Variants in MCTP1 observed in about 807,000 individuals in gnomAD.
The protein encoded by MCTP1 is multiple C2 and transmembrane domain-containing protein 1.
In MCTP1, 69 loss-of-function variants were observed where a neutral mutation model predicts 120.6. That is an observed-to-expected ratio of 0.57 (90% confidence interval 0.47 to 0.70). The LOEUF is 0.70. Among genes scored for constraint, MCTP1 ranks in the 30% least tolerant of loss-of-function variants. The pLI is 0.00. For missense variants in MCTP1, 1,203 were observed against 1,248.8 expected (o/e 0.96, Z 0.55); for synonymous variants, 529 against 493.1 (o/e 1.07, Z -0.96).
intron 1 of MCTP1, among the ~76,000 whole-genome samples, chr5:95,279,360 T>C (rs902964230): frequency 2.0e-5 from 3 of 152,238 alleles, no homozygotes; most frequent in Non-Finnish European, 2.9e-5. Flanking sequence ...ACATACTTGC[T>C]AAAAATAATG....
At chr5:94,929,150 C>T (rs1813907686) in intron 6 of MCTP1, among the ~76,000 whole-genome samples, 1 of 152,116 alleles carries the variant, frequency 6.6e-6, no homozygotes, top group East Asian at 1.9e-4. Context: ...ACAACCGAGT[C>T]GATTTAGCCT....
intron 1 of MCTP1, among the ~76,000 whole-genome samples, chr5:95,171,007 G>A (rs530733032): frequency 4.6e-5 from 7 of 152,166 alleles, no homozygotes; most frequent in Non-Finnish European, 8.8e-5. Flanking sequence ...TCCTAGTCTC[G>A]ATGGTCTTTA....
chr5:94,997,850 G>A (rs1832919708), intron 2 of MCTP1, among the ~76,000 whole-genome samples: 1 of 151,988 alleles, frequency 6.6e-6, no homozygotes, highest in South Asian at 2.1e-4. Context: ...TGTGTCTCAT[G>A]CTTCTTAAAA....
intron 4 of MCTP1, among the ~76,000 whole-genome samples, chr5:94,941,226 A>T (rs1426889929): frequency 6.6e-6 from 1 of 151,798 alleles, no homozygotes; most frequent in Non-Finnish European, 1.5e-5. Flanking sequence ...ACAGAAGAAC[A>T]GTACAGTCTA....
chr5:95,111,178 G>A (rs1387287685), intron 1 of MCTP1, among the ~76,000 whole-genome samples: 2 of 152,090 alleles, frequency 1.3e-5, no homozygotes, highest in East Asian at 3.8e-4. Flanking sequence ...AATCTCCCAT[G>A]ACTAATAAAT....
At position 94,888,903 on chromosome 5, in the gene MCTP1, C is replaced by T. The variant is rs1186399479; in HGVS notation, c.1909G>A (p.Gly637Arg). 3 of 1,613,524 alleles carry T rather than the reference C, an allele frequency of 1.9e-6. No individual in the cohort carries two copies. The highest frequency in any genetic ancestry group is 2.2e-5 in the South Asian group (2 of 91,080). ...FLQVKVIRAE[G>R]LMAADVTGKS... ...CCAGTGACGTCGGCAGCCATTAACC[C>T]TTCCGCTCTGATGACTTTCACCTGG... is the stretch of plus-strand genomic sequence containing the variant. The change falls in exon 12 of 23, where the codon GGG (glycine) becomes AGG (arginine). Residue 637 changes from glycine to arginine, a missense_variant. Gly to Arg is a moderately radical substitution (Grantham distance 125). Transcript: ENST00000515393.
chr5:94,932,995 C>A (rs1187501637), intron 5 of MCTP1, among the ~76,000 whole-genome samples: 1 of 151,884 alleles, frequency 6.6e-6, no homozygotes, highest in Non-Finnish European at 1.5e-5. Context: ...TTAACCTAAA[C>A]CACAAGAATG....
intron 1 of MCTP1, among the ~76,000 whole-genome samples, chr5:95,226,485 G>A (rs573078528): frequency 2.0e-5 from 3 of 152,108 alleles, no homozygotes; most frequent in Admixed American, 6.6e-5. Flanking sequence ...TTTCATTTTC[G>A]GAGTAAATCT....
intron 1 of MCTP1, among the ~76,000 whole-genome samples, chr5:95,193,602 G>A (rs1750058165): frequency 6.6e-6 from 1 of 152,118 alleles, no homozygotes; most frequent in South Asian, 2.1e-4. Flanking sequence ...GGCAACATTT[G>A]TATGGAGCAC....
At chr5:95,109,840 A>T (rs1209595945) in intron 1 of MCTP1, among the ~76,000 whole-genome samples, 1 of 152,232 alleles carries the variant, frequency 6.6e-6, no homozygotes. Context: ...AAGCAAAACA[A>T]GTCATAAGTG....
At chr5:94,735,147 TA>T (rs1763937204) in intron 19 of MCTP1, among the ~76,000 whole-genome samples, 1 of 152,178 alleles carries the variant, frequency 6.6e-6, no homozygotes, top group Admixed American at 6.5e-5. Flanking sequence ...AAAGAGATTG[TA>T]CAGTTTCCAC....
At chr5:95,032,846 T>C (rs1335136301) in intron 1 of MCTP1, among the ~76,000 whole-genome samples, 1 of 151,960 alleles carries the variant, frequency 6.6e-6, no homozygotes, top group East Asian at 1.9e-4. Context: ...GCAGCTAGAT[T>C]AACCAAGAAA....
Position 94,785,168 on chromosome 5 carries a change from G to A in MCTP1, c.2557-6005C>T, listed in dbSNP as rs867836635. Among the ~76,000 whole-genome samples, 7 of 152,070 alleles carry A rather than the reference G, an allele frequency of 4.6e-5. No individual in the cohort carries two copies. The East Asian group carries it at 5.8e-4, about 13-fold the overall frequency. ...GAAAAACTCTTCCATTAAGAAAGGCGAAACAATAACAAATTCTATAATCAG... is the reference window on the plus strand; with the variant it reads ...GAAAAACTCTTCCATTAAGAAAGGCAAAACAATAACAAATTCTATAATCAG... On this transcript the variant is annotated intron_variant, in intron 18 of 22. Coordinates refer to ENST00000515393, the MANE Select transcript of MCTP1 (RefSeq NM_024717.7).
intron 1 of MCTP1, among the ~76,000 whole-genome samples, chr5:95,252,458 A>G (rs1757469584): frequency 6.6e-6 from 1 of 152,144 alleles, no homozygotes; most frequent in Admixed American, 6.6e-5. Flanking sequence ...TTTTAAAAAG[A>G]TGTATATAGA....
intron 1 of MCTP1, among the ~76,000 whole-genome samples, chr5:95,215,634 T>A (rs535999751): frequency 6.6e-6 from 1 of 152,336 alleles, no homozygotes; most frequent in South Asian, 2.1e-4. Context: ...TTTTTCTTTT[T>A]AGCCTTTCTG....
At chr5:94,965,117 A>T (rs1002891107) in intron 2 of MCTP1, among the ~76,000 whole-genome samples, 5 of 152,020 alleles carry the variant, frequency 3.3e-5, no homozygotes, top group Non-Finnish European at 7.4e-5. Flanking sequence ...TCTCTGAATC[A>T]TTTCTTATAA....
chr5:94,874,844 T>A (rs1169259963), intron 12 of MCTP1, among the ~76,000 whole-genome samples: 1 of 152,160 alleles, frequency 6.6e-6, no homozygotes, highest in Non-Finnish European at 1.5e-5. Context: ...CAGATTCAAA[T>A]AGTTTTCCAA....
chr5:95,184,994 G>C (rs1288469343), intron 1 of MCTP1, among the ~76,000 whole-genome samples: 1 of 152,162 alleles, frequency 6.6e-6, no homozygotes, highest in Admixed American at 6.5e-5. Flanking sequence ...TGCTCAGGGA[G>C]ACTGATTTGA....
At chr5:95,078,438 C>T (rs998799751) in intron 1 of MCTP1, among the ~76,000 whole-genome samples, 2 of 152,134 alleles carry the variant, frequency 1.3e-5, no homozygotes, top group Non-Finnish European at 2.9e-5. Flanking sequence ...ACTATGATCA[C>T]CTAGGAGAGC....
Sources: allele counts gnomAD v4.1 joint callset (sites outside exome capture counted in the v4.1 genomes callset), GRCh38; gene constraint gnomAD v4.1.1; transcripts MANE v1.5; gene names NCBI Gene and HGNC (gene_info 2026-07-23, HGNC 2026-07-21).